BDP1: variants seen among roughly 807,000 people sequenced by gnomAD.
The protein encoded by BDP1 is transcription factor TFIIIB component B'' homolog.
A neutral mutation model predicts 266.6 loss-of-function variants in BDP1; 169 were observed. That is an observed-to-expected ratio of 0.63 (90% CI 0.56 to 0.72). The LOEUF is 0.72. Ranked by LOEUF, BDP1 falls within the 30% of genes least tolerant of loss-of-function variation. The pLI is 0.00. For missense variants in BDP1, 3,015 were observed against 3,053.8 expected (o/e 0.99, Z 0.30); for synonymous variants, 1,090 against 1,022.4 (o/e 1.07, Z -1.26).
rs200783794 is a variant in BDP1, at chr5:71,516,170, G to A, written c.4759G>A (p.Gly1587Arg). The change falls in exon 21 of 39, where the codon GGA becomes AGA. Residue 1587 changes from glycine (G) to arginine (R), a missense_variant. By Grantham distance (125) the Gly-to-Arg change is moderately radical. Transcript: ENST00000358731. The stretch of plus-strand genomic sequence containing the variant: ...ACCGAGACCAAATATAAGAAAGACA[G>A]GACAGAGGCAAATAGTAGACAAAGG... ...QRPRPNIRKT[G>R]QRQIVDKGEA... 8.6e-5 allele frequency: 139 copies of A among 1,613,374 alleles called. No individual in the cohort carries two copies. Among genetic ancestry groups the A allele is most frequent in the Middle Eastern group, 5.0e-4 (3 of 6,060 alleles).
intron 20 of BDP1, among the ~76,000 whole-genome samples, chr5:71,515,595 A>AT (rs1392570338): frequency 6.6e-6 from 1 of 152,210 alleles, no homozygotes; most frequent in African/African-American, 2.4e-5. Context: ...TTATATGTAT[A>AT]TAAGCTATAT....
In BDP1 at chr5:71,489,547, GT is replaced by G; in HGVS notation, c.1359del (p.Ala454HisfsTer2). On this transcript the variant is annotated frameshift_variant, in exon 10 of 39. Transcript: ENST00000358731. LOFTEE classifies it high-confidence loss of function. ...LTLSREDAEQ[V>X]ALEVDLNQKK... The stretch of plus-strand genomic sequence containing the variant: ...CTTATCAAGGGAGGATGCAGAGCAG[GT>G]TGCATTAGAAGTAGACCTAAATCAA... 3.7e-6 allele frequency: 6 copies of G among 1,614,128 alleles called. No individual in the cohort carries two copies. The highest frequency in any genetic ancestry group is 5.1e-6 in the Non-Finnish European group (6 of 1,180,012).
At chr5:71,520,307 A>G (rs879736506) in intron 22 of BDP1, among the ~76,000 whole-genome samples, 1 of 152,064 alleles carries the variant, frequency 6.6e-6, no homozygotes, top group South Asian at 2.1e-4. Flanking sequence ...AAGTCTTTCC[A>G]TATTGCTTTT....
intron 7 of BDP1, among the ~76,000 whole-genome samples, chr5:71,473,680 CTTTA>C (rs1056099769): frequency 6.6e-6 from 1 of 151,862 alleles, no homozygotes; most frequent in Non-Finnish European, 1.5e-5. Flanking sequence ...TTTCTAGCTT[CTTTA>C]TTTATTTATT....
At position 71,541,682 on chromosome 5, in the gene BDP1, G is replaced by A; in HGVS notation, c.6251G>A (p.Arg2084Lys). The change falls in exon 29 of 39, where the codon AGG becomes AAG. Residue 2084 changes from arginine (R) to lysine (K), a missense_variant and splice_region_variant. Around this residue, in one of 3 missense-constraint regions of BDP1, gnomAD observed 629 missense variants for 632.5 expected, o/e 0.99. Coordinates refer to ENST00000358731, the MANE Select transcript of BDP1 (RefSeq NM_018429.3). ...EKVKENATPT[R>K]NTISKVTSNL... ...GTAAAGGAGAATGCTACACCAACCA[G>A]GTTTATTTTAGTATTCAATTAATAA... 3 of 1,531,098 alleles carry A rather than the reference G, an allele frequency of 2.0e-6. No homozygotes were observed. Among genetic ancestry groups the A allele is most frequent in the South Asian group, 1.3e-5 (1 of 78,296 alleles). The allele number at this position is 1,531,098 out of a possible 1,614,324, so 94.8% of individuals were successfully genotyped here. A position where few individuals can be genotyped will look rare whatever the true frequency, so the allele number is the denominator to read the frequency against.
At chr5:71,499,524 CAAA>C (rs1184370426) in intron 13 of BDP1, among the ~76,000 whole-genome samples, 1 of 152,020 alleles carries the variant, frequency 6.6e-6, no homozygotes, top group African/African-American at 2.4e-5. Flanking sequence ...GAGTTTGAGG[CAAA>C]AGAACCACTT....
chr5:71,535,143 A>T (rs1338904032), intron 26 of BDP1, among the ~76,000 whole-genome samples: 1 of 152,152 alleles, frequency 6.6e-6, no homozygotes, highest in African/African-American at 2.4e-5. Context: ...GTAACAAAGT[A>T]CAGATGCTCC....
intron 30 of BDP1, among the ~76,000 whole-genome samples, chr5:71,543,927 G>A (rs897453615): frequency 2.0e-5 from 3 of 152,328 alleles, no homozygotes; most frequent in East Asian, 3.9e-4. Context: ...TCAACGTGCA[G>A]TCTCAAATTA....
Position 71,503,986 on chromosome 5 carries a change from A to G in BDP1, c.2242-635A>G, listed in dbSNP as rs1764415613. 2.0e-5 allele frequency among the ~76,000 whole-genome samples: 3 copies of G among 151,464 alleles called. No individual in the cohort carries two copies. The South Asian group carries it at 6.3e-4, about 32-fold the overall frequency. On this transcript the variant is annotated intron_variant, in intron 15 of 38. Transcript: ENST00000358731. ...TGAGACCCTGTCTTAAAAAAAAAAAATTCTGACCAGGCGCAGTGGCTCATG... is the reference window on the plus strand; with the variant it reads ...TGAGACCCTGTCTTAAAAAAAAAAAGTTCTGACCAGGCGCAGTGGCTCATG...
intron 7 of BDP1, among the ~76,000 whole-genome samples, chr5:71,473,388 C>T (rs1427123356): frequency 6.7e-6 from 1 of 150,008 alleles, no homozygotes; most frequent in Non-Finnish European, 1.5e-5. Context: ...CCTTCTCCTG[C>T]CTCAGCCTCC....
At chr5:71,571,757 C>T (rs912491747), downstream of BDP1, among the ~76,000 whole-genome samples, 14 of 152,170 alleles carry the variant, frequency 9.2e-5, no homozygotes, top group African/African-American at 3.1e-4. Context: ...CCTCAGCCTC[C>T]CGAGTAGCTG....
At chr5:71,574,363 G>C in the BDP1 span, among the ~76,000 whole-genome samples, 1 of 152,142 alleles carries the variant, frequency 6.6e-6, no homozygotes, top group Admixed American at 6.5e-5. Context: ...GCACCCCCCT[G>C]TCAGGAAACG....
At chr5:71,472,138 C>T (rs1198664465) in intron 7 of BDP1, among the ~76,000 whole-genome samples, 12 of 152,122 alleles carry the variant, frequency 7.9e-5, no homozygotes, top group African/African-American at 2.4e-4. Context: ...GTTACTATGG[C>T]TCTAGCAGGT....
chr5:71,483,306 T>TAATGGA (rs1219205080), intron 7 of BDP1, among the ~76,000 whole-genome samples: 1 of 152,162 alleles, frequency 6.6e-6, no homozygotes, highest in Non-Finnish European at 1.5e-5. Flanking sequence ...ATCTCCCTCT[T>TAATGGA]AATGGAAGTA....
At chr5:71,476,601 C>T (rs1762602910) in intron 7 of BDP1, among the ~76,000 whole-genome samples, 1 of 151,940 alleles carries the variant, frequency 6.6e-6, no homozygotes, top group Non-Finnish European at 1.5e-5. Context: ...AGTGCAGTGG[C>T]ACGATCTCAG....
At chr5:71,545,374 C>T (rs1561775204) in intron 32 of BDP1, 155 bp downstream of exon 32, 1 of 744,886 alleles carries the variant, frequency 1.3e-6, no homozygotes, top group Non-Finnish European at 2.1e-6. Flanking sequence ...TTCTGTTGCC[C>T]AGGCAAGAGT....
At chr5:71,461,713 TA>T (rs943676190) in intron 2 of BDP1, 103 bp from the exon 3 acceptor site, 3 of 618,826 alleles carry the variant, frequency 4.8e-6, no homozygotes, top group Non-Finnish European at 8.6e-6. Flanking sequence ...AGAATAATAT[TA>T]AAGCACTTAC....
chr5:71,515,184 A>T (rs1765156376), intron 20 of BDP1, 62 bp downstream of exon 20: 1 of 1,250,384 alleles, frequency 8.0e-7, no homozygotes, highest in Admixed American at 3.0e-5. Flanking sequence ...AATATTTCTA[A>T]TTTTTATTGA....
intron 12 of BDP1, 21 bp downstream of exon 12, chr5:71,495,429 G>T: frequency 1.3e-6 from 2 of 1,494,716 alleles, no homozygotes; most frequent in African/African-American, 1.4e-5. Context: ...TATACGATAG[G>T]ATTTATTTAT....
Sources: gnomAD v4.1 joint callset for allele counts (sites outside exome capture counted in the v4.1 genomes callset) on GRCh38, gnomAD v4.1.1 for gene constraint, gnomAD v4.1.1 regional missense constraint, MANE v1.5 for transcripts, NCBI Gene and HGNC (gene_info 2026-07-23, HGNC 2026-07-21) for gene names.